Variants in ZFHX3 observed in about 807,000 individuals in gnomAD.
The protein encoded by ZFHX3 is zinc finger homeobox 3.
ZFHX3 carries 42 observed loss-of-function variants against 279.1 expected under a neutral mutation model. The observed-to-expected ratio is 0.15, with a 90% CI of 0.12 to 0.19. The LOEUF (loss-of-function observed/expected upper bound fraction) is 0.19. Ranked by LOEUF, ZFHX3 falls within the 10% of genes least tolerant of loss-of-function variation. The pLI is 1.00. For missense variants in ZFHX3, 4,981 were observed against 4,754.0 expected (o/e 1.05, Z -1.40); for synonymous variants, 2,293 against 1,957.8 (o/e 1.17, Z -4.52).
rs1182277873 is a variant in ZFHX3, at chr16:72,958,770, G to C, written c.1376C>G (p.Ala459Gly). The C allele has an allele frequency of 6.2e-7, 1 of 1,613,614 alleles. No individual in the cohort carries two copies. The highest frequency in any genetic ancestry group is 1.1e-5 in the South Asian group (1 of 91,036). Residue 459 changes from alanine to glycine, a missense_variant, in exon 2 of 10, where the codon GCC (alanine) becomes GGC (glycine). By Grantham distance (60) the Ala-to-Gly change is moderately conservative. Transcript: ENST00000268489. ...GDCFSEKVEP[A>G]EEEAEEEEEE... ...CTCTTCCTCCTCCGCCTCCTCTTCG[G>C]CTGGCTCTACCTTCTCAGAGAAGCA... is the stretch of plus-strand genomic sequence containing the variant.
rs749328461 is a variant in ZFHX3, at chr16:72,788,151, A to T, written c.10125T>A (p.Ile3375=). ...QQYQQSLQEA[I]QQQQQRQLQQ... is the part of the protein sequence containing the mutation. ...GTAGTTGCCGCTGCTGCTGCTGCTG[A>T]ATTGCCTCCTGCAGACTCTGCTGGT... Residue 3375 remains isoleucine, a synonymous_variant, in exon 10 of 10, where the codon ATT becomes ATA. Transcript: ENST00000268489. 7.4e-6 allele frequency: 12 copies of T among 1,611,066 alleles called. No homozygotes were observed. In the East Asian group the frequency reaches 2.2e-4, roughly 30 times the overall value.
At chr16:73,553,454 C>T (rs1466364715) in intron 2 of ZFHX3, among the ~76,000 whole-genome samples, 1 of 152,116 alleles carries the variant, frequency 6.6e-6, no homozygotes, top group Non-Finnish European at 1.5e-5. Context: ...TGACAGAAAA[C>T]GATCTCCCTT....
In ZFHX3 at chr16:72,936,110, T is replaced by A. The variant is rs75472190; in HGVS notation, c.3216+14359A>T. On this transcript the variant is annotated intron_variant, in intron 3 of 9. Transcript: ENST00000268489. Reference sequence around the variant, plus strand: ...TCAGGGGTCAGTACAGGAACAGAGCTGTGTGTGAAGCTGATGGTAAATGAC... The same window carrying A: ...TCAGGGGTCAGTACAGGAACAGAGCAGTGTGTGAAGCTGATGGTAAATGAC... 9.2e-4 allele frequency among the ~76,000 whole-genome samples: 140 copies of A among 152,312 alleles called. No homozygotes were observed. The East Asian group carries it at 0.016, about 17-fold the overall frequency.
chr16:73,183,970 CT>C (rs1967855680), intron 5 of ZFHX3, among the ~76,000 whole-genome samples: 1 of 152,086 alleles, frequency 6.6e-6, no homozygotes, highest in Non-Finnish European at 1.5e-5. Flanking sequence ...CAATTTAGAA[CT>C]TTTGCCAGCG....
At chr16:73,554,616 T>C (rs936252384) in intron 2 of ZFHX3, 4 of 152,230 alleles carry the variant, frequency 2.6e-5, no homozygotes, top group Non-Finnish European at 5.9e-5. Flanking sequence ...ATTCCTTTTA[T>C]GGCAAACTGT....
chr16:73,438,445 A>G (rs1423110206), intron 3 of ZFHX3, among the ~76,000 whole-genome samples: 1 of 152,172 alleles, frequency 6.6e-6, no homozygotes, highest in Non-Finnish European at 1.5e-5. Flanking sequence ...AAAATCAGAA[A>G]GAGAGAGCAT....
At chr16:72,806,140 C>A (rs1415887092) in intron 7 of ZFHX3, 3 of 152,268 alleles carry the variant, frequency 2.0e-5, no homozygotes, top group African/African-American at 7.2e-5. Flanking sequence ...CTCAAGCCAT[C>A]TTCCCACTTT....
intron 1 of ZFHX3, among the ~76,000 whole-genome samples, chr16:73,889,122 T>C (rs1391949424): frequency 6.6e-6 from 1 of 152,178 alleles, no homozygotes; most frequent in Non-Finnish European, 1.5e-5. Context: ...GTAACAATCC[T>C]CATCCCTGCC....
intron 2 of ZFHX3, among the ~76,000 whole-genome samples, chr16:73,615,470 G>T (rs754611853): frequency 6.6e-6 from 1 of 152,174 alleles, no homozygotes; most frequent in Non-Finnish European, 1.5e-5. Flanking sequence ...TAACAGCTGA[G>T]GGGTACTTGC....
At chr16:72,835,726 CCT>C in intron 4 of ZFHX3, among the ~76,000 whole-genome samples, 1 of 152,116 alleles carries the variant, frequency 6.6e-6, no homozygotes, top group East Asian at 1.9e-4. Flanking sequence ...CGGGGATGTG[CCT>C]CGCTCTCGTT....
At chr16:73,417,988 CAAAAAAAAAA>C (rs71156161) in intron 3 of ZFHX3, among the ~76,000 whole-genome samples, 7 of 57,856 alleles carry the variant, frequency 1.2e-4, no homozygotes, top group African/African-American at 5.0e-4. Context: ...GACTCCATCT[CAAAAAAAAAA>C]AAAAAAAAAA....
In ZFHX3 at chr16:73,281,917, A is replaced by G. The variant is rs191609927; in HGVS notation, c.-1193-24781T>C. On this transcript the variant is annotated intron_variant, in intron 4 of 17. Transcript: ENST00000641206. ...TGATTACTCGGCCTGTTTTGGGGCC[A>G]GACATGGAGATACCAAGTTTAGGGA... is the stretch of plus-strand genomic sequence containing the variant. Among the ~76,000 whole-genome samples, 72 of 152,328 alleles carry G rather than the reference A, an allele frequency of 4.7e-4. No homozygotes were observed. In the East Asian group the frequency reaches 0.013, roughly 27 times the overall value.
chr16:72,835,145 G>GGAGGGTGGGATGTTT (rs1294817405), intron 4 of ZFHX3, among the ~76,000 whole-genome samples: 4 of 152,134 alleles, frequency 2.6e-5, no homozygotes, highest in Admixed American at 2.0e-4. Flanking sequence ...CTTTTTCTTT[G>GGAGGGTGGGATGTTT]GAGGGTGGGA....
intron 2 of ZFHX3, among the ~76,000 whole-genome samples, 175 bp downstream of exon 2, chr16:72,957,250 TAC>T (rs1413455301): frequency 2.0e-5 from 3 of 152,182 alleles, no homozygotes; most frequent in Non-Finnish European, 2.9e-5. Flanking sequence ...CTTCCATATG[TAC>T]ACACACAGTT....
At chr16:72,921,791 C>T (rs769017040) in intron 3 of ZFHX3, among the ~76,000 whole-genome samples, 5 of 152,214 alleles carry the variant, frequency 3.3e-5, no homozygotes, top group Non-Finnish European at 7.3e-5. Context: ...CTGGCGGGGG[C>T]CTTGTCCTGA....
At chr16:72,990,432 T>C (rs916930297) in intron 1 of ZFHX3, among the ~76,000 whole-genome samples, 3 of 152,124 alleles carry the variant, frequency 2.0e-5, no homozygotes, top group African/African-American at 7.2e-5. Context: ...CACCACATAC[T>C]GATCTTGCCC....
At chr16:73,658,600 G>T (rs951505949) in intron 2 of ZFHX3, among the ~76,000 whole-genome samples, 1 of 152,146 alleles carries the variant, frequency 6.6e-6, no homozygotes, top group African/African-American at 2.4e-5. Flanking sequence ...GCCGTGCCTG[G>T]CCAGAAATAG....
At chr16:72,917,892 C>T (rs1053219442) in intron 3 of ZFHX3, among the ~76,000 whole-genome samples, 3 of 152,108 alleles carry the variant, frequency 2.0e-5, no homozygotes, top group Non-Finnish European at 4.4e-5. Context: ...AAGACGATCA[C>T]CTTACTGTTA....
At chr16:73,155,192 A>C (rs1262471014) in intron 5 of ZFHX3, among the ~76,000 whole-genome samples, 1 of 151,740 alleles carries the variant, frequency 6.6e-6, no homozygotes, top group Admixed American at 6.6e-5. Flanking sequence ...AAAAAAAAAA[A>C]AACAAAAAAA....
Sources: gnomAD v4.1 joint callset for allele counts (sites outside exome capture counted in the v4.1 genomes callset) on GRCh38, gnomAD v4.1.1 for gene constraint, MANE v1.5 for transcripts, NCBI Gene and HGNC (gene_info 2026-07-23, HGNC 2026-07-21) for gene names.